Variants in TRIM54 observed in about 807,000 individuals in gnomAD.
TRIM54 encodes tripartite motif-containing protein 54.
In TRIM54, 40 loss-of-function variants were observed where a neutral mutation model predicts 42.0. The ratio of observed to expected loss-of-function variants is 0.95; its 90% CI spans 0.74 to 1.24. The LOEUF (loss-of-function observed/expected upper bound fraction) is 1.24, where lower values mean the gene tolerates loss of function less well. TRIM54 is among the 50% of genes most tolerant of loss of function. The pLI, the probability that TRIM54 is intolerant of heterozygous loss-of-function variation, is 0.00. For synonymous variants in TRIM54, 199 were observed against 194.9 expected, an observed-to-expected ratio of 1.02 and a Z score of -0.17; for missense variants, 485 against 480.3, an observed-to-expected ratio of 1.01 and a Z score of -0.09.
chr2:27,282,712 C>T lies in TRIM54; in HGVS notation c.-20C>T, dbSNP rs764683097. On this transcript the variant is annotated 5_prime_UTR_variant, in exon 1 of 9. Coordinates refer to ENST00000380075, the MANE Select transcript of TRIM54 (RefSeq NM_187841.3). ...TGAAGGCCAGGAGCAGGGCCCAGGC[C>T]AGGCACGACCACCGAGGGGATGAAC... 6.9e-6 allele frequency: 11 copies of T among 1,601,788 alleles called. No individual in the cohort carries two copies. The highest frequency in any genetic ancestry group is 1.3e-5 in the African/African-American group (1 of 74,444).
chr2:27,303,175 A>C (rs560989498), intron 3 of TRIM54, among the ~76,000 whole-genome samples: 60 of 152,308 alleles, frequency 3.9e-4, no homozygotes, highest in African/African-American at 1.4e-3. Context: ...AGCATTTCGC[A>C]GAGGACCAGT....
Position 27,306,120 on chromosome 2 carries a change from G to A in TRIM54, c.866+18G>A, listed in dbSNP as rs776238456. 4 of 1,614,056 alleles carry A rather than the reference G, an allele frequency of 2.5e-6. No homozygotes were observed. Among genetic ancestry groups the A allele is most frequent in the Non-Finnish European group, 2.5e-6 (3 of 1,180,040 alleles). ...ATCAATAAGTGAGTAGGCATAGCGG[G>A]AAGGGAAAGGAGGGGGCTGCACTGC... On this transcript the variant is annotated intron_variant, in intron 6 of 8. Coordinates refer to ENST00000380075, the MANE Select transcript of TRIM54 (RefSeq NM_187841.3). The surrounding 1 kb of genome is among the most constrained non-coding windows in gnomAD (Gnocchi z 6.1).
intron 3 of TRIM54, among the ~76,000 whole-genome samples, chr2:27,303,348 G>GT (rs1679089203): frequency 6.6e-6 from 1 of 152,150 alleles, no homozygotes; most frequent in South Asian, 2.1e-4. Flanking sequence ...TAGGTCAGGA[G>GT]TTTGAGACCT....
intron 3 of TRIM54, 71 bp from the exon 4 acceptor site, chr2:27,304,888 C>T: frequency 7.0e-7 from 1 of 1,429,130 alleles, no homozygotes; most frequent in Non-Finnish European, 9.7e-7. Flanking sequence ...TCCTAGGCAA[C>T]CCTGGCTGGG....
chr2:27,306,198 G>A lies in TRIM54; in HGVS notation c.867-15G>A, dbSNP rs375704005. 7.4e-6 allele frequency: 12 copies of A among 1,613,952 alleles called. No individual in the cohort carries two copies. The highest frequency in any genetic ancestry group is 5.1e-6 in the Non-Finnish European group (6 of 1,180,030). On this transcript the variant is annotated splice_polypyrimidine_tract_variant and intron_variant, in intron 6 of 8. Coordinates refer to ENST00000380075, the MANE Select transcript of TRIM54 (RefSeq NM_187841.3). This position sits in a 1 kb window ranked among gnomAD's most constrained non-coding sequence, Gnocchi z 6.1. ...TGCTGGGGCATTGCCAGCTGAGTCC[G>A]TGTGGCCACTGCAGGGTCGGGGCCA... is the stretch of plus-strand genomic sequence containing the variant.
At chr2:27,305,863 A>G (rs765121306) in intron 5 of TRIM54, 46 bp downstream of exon 5, 1 of 1,499,348 alleles carries the variant, frequency 6.7e-7, no homozygotes, top group Admixed American at 2.0e-5. Flanking sequence ...GGCTGGAGTC[A>G]GGGCCTTGGT....
intron 4 of TRIM54, 53 bp downstream of exon 4, chr2:27,305,107 C>A: frequency 6.7e-7 from 1 of 1,502,320 alleles, no homozygotes; most frequent in Non-Finnish European, 9.2e-7. Context: ...CCTGCGGACC[C>A]CGGGCTCCCA....
At chr2:27,302,393 C>T (rs1679060819) in intron 3 of TRIM54, among the ~76,000 whole-genome samples, 1 of 151,178 alleles carries the variant, frequency 6.6e-6, no homozygotes, top group South Asian at 2.1e-4. Flanking sequence ...TTGCAGTGAG[C>T]CAAGATCGGG....
intron 1 of TRIM54, among the ~76,000 whole-genome samples, chr2:27,297,500 A>G (rs1003000307): frequency 6.6e-6 from 1 of 152,186 alleles, no homozygotes; most frequent in Non-Finnish European, 1.5e-5. Flanking sequence ...GTGTCTGTTA[A>G]GTCCTCCTTC....
chr2:27,299,266 G>A lies in TRIM54; in HGVS notation c.363G>A (p.Glu121=), dbSNP rs780659294. 5.6e-6 allele frequency: 9 copies of A among 1,614,068 alleles called. No individual in the cohort carries two copies. In the Admixed American group the frequency reaches 1.5e-4, roughly 27 times the overall value. The stretch of plus-strand genomic sequence containing the variant: ...CTAGGCCGCTGCACTCCAAGGCTGA[G>A]CAGCACCTCATGTGCGAGGAGCATG... ...ESSRPLHSKA[E]QHLMCEEHEE... The change falls in exon 3 of 9, where the codon GAG becomes GAA. Residue 121 remains glutamate, a synonymous_variant. Transcript: ENST00000380075.
At chr2:27,287,711 T>A (rs1678615598) in intron 1 of TRIM54, among the ~76,000 whole-genome samples, 1 of 152,132 alleles carries the variant, frequency 6.6e-6, no homozygotes, top group Non-Finnish European at 1.5e-5. Context: ...AATGTTTTTG[T>A]ACAGACAAAG....
At chr2:27,296,354 C>G (rs1678866368) in intron 1 of TRIM54, among the ~76,000 whole-genome samples, 1 of 152,224 alleles carries the variant, frequency 6.6e-6, no homozygotes, top group South Asian at 2.1e-4. Flanking sequence ...GTCTCCATTA[C>G]TCTCTAGGAA....
rs1384137539 is a variant in TRIM54, at chr2:27,299,623, A to G, written c.513+207A>G. The G allele has an allele frequency of 2.0e-5, 21 of 1,049,682 alleles. No homozygotes were observed. In the East Asian group the frequency reaches 4.6e-4, roughly 23 times the overall value. The allele number at this position is 1,049,682 out of a possible 1,614,324, so 65.0% of individuals were successfully genotyped here. Reference sequence around the variant, plus strand: ...TCTCCCGAGCTCAAGTGATCCTCCCATCTTAGCCTCGCAGAACACTAAGAT... The same window carrying G: ...TCTCCCGAGCTCAAGTGATCCTCCCGTCTTAGCCTCGCAGAACACTAAGAT... On this transcript the variant is annotated intron_variant, in intron 3 of 8. Coordinates refer to ENST00000380075, the MANE Select transcript of TRIM54 (RefSeq NM_187841.3).
rs932170951 is a variant in TRIM54 at position 27,307,061 on chromosome 2, G to C, written c.*176G>C. ...CCAACCCCGCAGCCTGGGCTTCGAA[G>C]GCGACCCGCCCACCATCCTGCCCTT... On this transcript the variant is annotated 3_prime_UTR_variant, in exon 9 of 9. Coordinates refer to ENST00000380075, the MANE Select transcript of TRIM54 (RefSeq NM_187841.3). The surrounding 1 kb of genome is among the most constrained non-coding windows in gnomAD (Gnocchi z 6.9). 4.4e-6 allele frequency: 1 copy of C among 226,266 alleles called. No homozygotes were observed. Among genetic ancestry groups the C allele is most frequent in the African/African-American group, 2.3e-5 (1 of 42,656 alleles). The allele number at this position is 226,266 out of a possible 1,614,324, so 14.0% of individuals were successfully genotyped here.
At chr2:27,290,277 T>C (rs1449915577) in intron 1 of TRIM54, among the ~76,000 whole-genome samples, 1 of 152,152 alleles carries the variant, frequency 6.6e-6, no homozygotes. Context: ...ATCACCAAAA[T>C]ATTTAAAGCA....
intron 1 of TRIM54, among the ~76,000 whole-genome samples, chr2:27,285,870 G>C (rs1392143440): frequency 6.6e-6 from 1 of 152,088 alleles, no homozygotes; most frequent in Non-Finnish European, 1.5e-5. Flanking sequence ...AGAGTTTTTG[G>C]GAATTGTGAT....
At chr2:27,305,372 G>A in intron 4 of TRIM54, 4 of 595,686 alleles carry the variant, frequency 6.7e-6, no homozygotes, top group African/African-American at 5.6e-5. Flanking sequence ...AAAAACCAGG[G>A]CTAGGGATAT....
At chr2:27,298,186 C>A (rs1425578944) in intron 1 of TRIM54, among the ~76,000 whole-genome samples, 1 of 152,082 alleles carries the variant, frequency 6.6e-6, no homozygotes, top group Non-Finnish European at 1.5e-5. Context: ...CCAAGAGGGC[C>A]CCAGACTGGA....
Position 27,307,380 on chromosome 2 carries a change from CCTCTACGA to C in TRIM54, c.*497_*504del. 3 of 1,390,834 alleles carry C rather than the reference CCTCTACGA, an allele frequency of 2.2e-6. No homozygotes were observed. The highest frequency in any genetic ancestry group is 2.9e-6 in the Non-Finnish European group (3 of 1,047,222). 86.2% of individuals were successfully genotyped at this position (1,390,834 alleles called of 1,614,324 possible). A position where few individuals can be genotyped will look rare whatever the true frequency, so the allele number is the denominator to read the frequency against. On this transcript the variant is annotated 3_prime_UTR_variant, in exon 9 of 9. Transcript: ENST00000380075. This position sits in a 1 kb window ranked among gnomAD's most constrained non-coding sequence, Gnocchi z 6.9. ...TTCCCACGCTGCTGTGACTGCCCTGCCTCTACGACAAAAGCCAACGGGTCTTCAGTACT... is the reference window on the plus strand; with the variant it reads ...TTCCCACGCTGCTGTGACTGCCCTGCCAAAAGCCAACGGGTCTTCAGTACT...
Sources: allele counts gnomAD v4.1 joint callset (sites outside exome capture counted in the v4.1 genomes callset), GRCh38; gene constraint gnomAD v4.1.1; non-coding constraint Gnocchi (gnomAD v3.1); transcripts MANE v1.5; gene names NCBI Gene and HGNC (gene_info 2026-07-23, HGNC 2026-07-21).